Variants in TMTC4 observed in about 807,000 individuals in gnomAD.
The protein encoded by TMTC4 is protein O-mannosyl-transferase TMTC4.
TMTC4 carries 65 observed loss-of-function variants against 86.0 expected under a neutral mutation model. That is an observed-to-expected ratio of 0.76 (90% CI 0.62 to 0.93). TMTC4 has a LOEUF of 0.93. TMTC4 is among the 40% of genes least tolerant of loss of function. The pLI is 0.00. For synonymous variants in TMTC4, 379 were observed against 382.5 expected (o/e 0.99, Z 0.11); for missense variants, 866 against 948.1 (o/e 0.91, Z 1.14).
intron 6 of TMTC4, among the ~76,000 whole-genome samples, chr13:100,653,633 T>C (rs533380874): frequency 9.9e-4 from 151 of 152,254 alleles, no homozygotes; most frequent in African/African-American, 3.0e-3. Context: ...AGGCCTGTGA[T>C]GGAATTGAGG....
chr13:100,636,780 A>C, intron 9 of TMTC4, 46 bp from the exon 10 acceptor site: 2 of 1,598,994 alleles, frequency 1.3e-6, no homozygotes, highest in Non-Finnish European at 1.7e-6. Context: ...ACTGAACTTA[A>C]AAAACACATA....
upstream of TMTC4, chr13:100,674,995 T>C (rs1168613434): frequency 2.0e-6 from 2 of 985,370 alleles, no homozygotes; most frequent in Admixed American, 6.1e-5. Context: ...CCTCAGCTCA[T>C]TGGCGGACGC....
intron 6 of TMTC4, among the ~76,000 whole-genome samples, chr13:100,652,893 C>T (rs1884631927): frequency 1.3e-5 from 2 of 152,198 alleles, no homozygotes; most frequent in African/African-American, 2.4e-5. Flanking sequence ...ATCCCCAGCA[C>T]CGGAAACCTG....
At chr13:100,618,706 G>T (rs1022993480) in intron 15 of TMTC4, among the ~76,000 whole-genome samples, 2 of 152,030 alleles carry the variant, frequency 1.3e-5, no homozygotes, top group Non-Finnish European at 2.9e-5. Flanking sequence ...CGAGCATGCT[G>T]CCTTCAAACA....
At chr13:100,674,954 C>T (rs1450992199), upstream of TMTC4, 3 of 985,458 alleles carry the variant, frequency 3.0e-6, no homozygotes, top group Admixed American at 1.2e-4. Context: ...GGCTGCTGCT[C>T]CCGTCACTTT....
chr13:100,645,011 A>C (rs1393288331), intron 6 of TMTC4, among the ~76,000 whole-genome samples: 25 of 152,076 alleles, frequency 1.6e-4, no homozygotes, highest in African/African-American at 5.8e-4. Context: ...GACGGGGTTC[A>C]CCATGTTGGC....
intron 15 of TMTC4, among the ~76,000 whole-genome samples, chr13:100,619,079 G>A (rs879767560): frequency 4.0e-4 from 57 of 142,170 alleles, no homozygotes; most frequent in South Asian, 2.3e-4. Context: ...GGGCAGAGGC[G>A]CCCCTCACCT....
At chr13:100,657,557 C>G (rs1228727403) in intron 5 of TMTC4, among the ~76,000 whole-genome samples, 1 of 152,148 alleles carries the variant, frequency 6.6e-6, no homozygotes, top group African/African-American at 2.4e-5. Context: ...CAGAATTCCC[C>G]CCAGGGGTAC....
chr13:100,611,580 G>A (rs559013059), intron 17 of TMTC4, among the ~76,000 whole-genome samples: 20 of 152,092 alleles, frequency 1.3e-4, no homozygotes, highest in African/African-American at 3.1e-4. Context: ...GCGAGACTCC[G>A]TCTCAAAAAA....
At chr13:100,667,523 T>G (rs1231785591) in intron 3 of TMTC4, among the ~76,000 whole-genome samples, 1 of 152,084 alleles carries the variant, frequency 6.6e-6, no homozygotes, top group Admixed American at 6.6e-5. Flanking sequence ...ATATCACAAA[T>G]AAAATATATG....
intron 15 of TMTC4, chr13:100,625,240 T>C (rs1042079812): frequency 1.1e-5 from 4 of 361,544 alleles, no homozygotes; most frequent in East Asian, 5.8e-5. Context: ...AAGTTACCCA[T>C]TGGAGTGCTG....
intron 1 of TMTC4, chr13:100,674,235 G>A: frequency 2.0e-6 from 2 of 980,796 alleles, no homozygotes; most frequent in Non-Finnish European, 2.4e-6. Flanking sequence ...GGAGTAGCAG[G>A]CGCTCGCGGC....
At chr13:100,618,453 T>TC (rs1566569179) in intron 15 of TMTC4, among the ~76,000 whole-genome samples, 50 of 134,548 alleles carry the variant, frequency 3.7e-4, no homozygotes, top group African/African-American at 1.3e-3. Context: ...TGTTGCTTCT[T>TC]GTTTTTTTTT....
intron 15 of TMTC4, among the ~76,000 whole-genome samples, chr13:100,623,656 T>G (rs1176525002): frequency 2.2e-4 from 33 of 148,938 alleles, no homozygotes; most frequent in African/African-American, 7.9e-4. Flanking sequence ...TTTTTTTTTT[T>G]TTTTTTTTTT....
chr13:100,658,979 T>C (rs1163666494), intron 5 of TMTC4, among the ~76,000 whole-genome samples: 1 of 152,148 alleles, frequency 6.6e-6, no homozygotes, highest in Non-Finnish European at 1.5e-5. Flanking sequence ...CAAGAAAACA[T>C]TTTCTTTTCC....
At chr13:100,674,243 G>T (rs1317623373) in intron 1 of TMTC4, 3 of 980,406 alleles carry the variant, frequency 3.1e-6, no homozygotes, top group Non-Finnish European at 3.6e-6. Context: ...AGGCGCTCGC[G>T]GCGCGGCGGG....
At chr13:100,608,094 T>C (rs1315391629) in intron 17 of TMTC4, among the ~76,000 whole-genome samples, 1 of 152,244 alleles carries the variant, frequency 6.6e-6, no homozygotes, top group Non-Finnish European at 1.5e-5. Flanking sequence ...TCCCAACCTG[T>C]AAATGAAGTA....
rs576931325 is a variant in TMTC4, at chr13:100,646,069, T to C, written c.641-3758A>G. ...GGTGTGTGGTCCATGAACCTGCACCTGGATCTTATTAGACTCAGGCCCCAC... is the reference window on the plus strand; with the variant it reads ...GGTGTGTGGTCCATGAACCTGCACCCGGATCTTATTAGACTCAGGCCCCAC... On this transcript the variant is annotated intron_variant, in intron 6 of 18. Transcript: ENST00000342624. Among the ~76,000 whole-genome samples the C allele has an allele frequency of 2.0e-5, 3 of 152,248 alleles. No homozygotes were observed. In the South Asian group the frequency reaches 6.2e-4, roughly 32 times the overall value.
intron 7 of TMTC4, among the ~76,000 whole-genome samples, chr13:100,640,137 A>T (rs1452277990): frequency 6.6e-6 from 1 of 151,804 alleles, no homozygotes; most frequent in African/African-American, 2.4e-5. Context: ...CGTATTAGGG[A>T]AAGGTTCTAA....
Sources: gnomAD v4.1 joint callset for allele counts (sites outside exome capture counted in the v4.1 genomes callset) on GRCh38, gnomAD v4.1.1 for gene constraint, MANE v1.5 for transcripts, NCBI Gene and HGNC (gene_info 2026-07-23, HGNC 2026-07-21) for gene names.